The following ARHGEF28 variants were observed in gnomAD, a reference collection of about 807,000 sequenced individuals.
The protein encoded by ARHGEF28 is Rho guanine nucleotide exchange factor 28, also known as 190 kDa guanine nucleotide exchange factor.
In ARHGEF28, 152 loss-of-function variants were observed where a neutral mutation model predicts 206.6. That is an observed-to-expected ratio of 0.74 (90% CI 0.64 to 0.84). ARHGEF28 has a LOEUF of 0.84. Among genes scored for constraint, ARHGEF28 ranks in the 40% least tolerant of loss-of-function variants. The probability of loss-of-function intolerance (pLI) is 0.00; values close to 1 mark genes in which losing one functional copy is unlikely to be tolerated. For missense variants in ARHGEF28, 2,028 were observed against 2,073.2 expected (o/e 0.98, Z 0.42); for synonymous variants, 763 against 776.4 (o/e 0.98, Z 0.29).
At chr5:73,851,960 A>G (rs924615917) in intron 13 of ARHGEF28, among the ~76,000 whole-genome samples, 3 of 152,060 alleles carry the variant, frequency 2.0e-5, no homozygotes, top group African/African-American at 7.3e-5. Flanking sequence ...TGCCCTGTAG[A>G]TGGTGTGCTC....
intron 35 of ARHGEF28, among the ~76,000 whole-genome samples, chr5:73,920,914 A>G (rs996205534): frequency 6.6e-6 from 1 of 152,220 alleles, no homozygotes; most frequent in Non-Finnish European, 1.5e-5. Flanking sequence ...TTTAATTGTT[A>G]TATCAATAAC....
At position 73,857,700 on chromosome 5, in the gene ARHGEF28, C is replaced by T. The variant is rs754498278; in HGVS notation, c.1835C>T (p.Ser612Leu). The T allele has an allele frequency of 1.9e-6, 3 of 1,606,410 alleles. No homozygotes were observed. Among genetic ancestry groups the T allele is most frequent in the South Asian group, 2.2e-5 (2 of 89,760 alleles). The change falls in exon 15 of 36, where the codon TCA becomes TTA. Residue 612 changes from serine (S) to leucine (L), a missense_variant. Physicochemically the swap from Ser to Leu is moderately radical, Grantham distance 145 (BLOSUM62 -2). Transcript: ENST00000513042. Reference sequence around the variant, plus strand: ...GATAAATACATCATACCTGCCAAATCAGAGTCTGAAAAATATAAAGTGAGT... The same window carrying T: ...GATAAATACATCATACCTGCCAAATTAGAGTCTGAAAAATATAAAGTGAGT... ...EWDKYIIPAK[S>L]ESEKYKVSRT... is the part of the protein sequence containing the mutation.
intron 2 of ARHGEF28, among the ~76,000 whole-genome samples, chr5:73,690,156 A>G (rs1747725351): frequency 6.6e-6 from 1 of 152,032 alleles, no homozygotes; most frequent in Non-Finnish European, 1.5e-5. Flanking sequence ...TTTGTGTGTA[A>G]AAAGAGATAG....
chr5:73,845,267 T>C (rs1459211187), intron 11 of ARHGEF28, among the ~76,000 whole-genome samples: 2 of 152,136 alleles, frequency 1.3e-5, no homozygotes, highest in East Asian at 1.9e-4. Flanking sequence ...CCGCCCACCT[T>C]GGCCTCCCAA....
At chr5:73,929,966 A>G (rs2112017133) in intron 35 of ARHGEF28, among the ~76,000 whole-genome samples, 1 of 135,966 alleles carries the variant, frequency 7.4e-6, no homozygotes, top group African/African-American at 3.0e-5. Context: ...CAAATTGCTC[A>G]TTTTAAACTG....
intron 1 of ARHGEF28, among the ~76,000 whole-genome samples, chr5:73,654,041 C>G (rs987555682): frequency 6.6e-6 from 1 of 152,186 alleles, no homozygotes; most frequent in Non-Finnish European, 1.5e-5. Flanking sequence ...AAATATCACC[C>G]TAACTTCTCT....
intron 22 of ARHGEF28, among the ~76,000 whole-genome samples, chr5:73,880,273 C>T (rs573857100): frequency 3.9e-5 from 6 of 152,320 alleles, no homozygotes; most frequent in South Asian, 2.1e-4. Context: ...TTCCTAAGCC[C>T]GTCGGAAAAG....
chr5:73,804,104 AAAAG>A (rs1445262075), intron 9 of ARHGEF28, among the ~76,000 whole-genome samples: 203 of 151,470 alleles, frequency 1.3e-3, no homozygotes, highest in Non-Finnish European at 2.2e-3. Context: ...AAAAAAAAAA[AAAAG>A]AAAGAGTCAA....
At chr5:73,699,992 C>T (rs1342130944) in intron 2 of ARHGEF28, among the ~76,000 whole-genome samples, 1 of 152,100 alleles carries the variant, frequency 6.6e-6, no homozygotes, top group Non-Finnish European at 1.5e-5. Context: ...TCACTTCTAG[C>T]CAATGAAAAA....
chr5:73,641,014 A>G (rs375242602), intron 1 of ARHGEF28, among the ~76,000 whole-genome samples: 14 of 152,334 alleles, frequency 9.2e-5, no homozygotes, highest in African/African-American at 3.4e-4. Context: ...AGGGGAAGAA[A>G]GCCTCAAAGA....
chr5:73,882,919 T>TCTGGG (rs1393378617), intron 23 of ARHGEF28, among the ~76,000 whole-genome samples: 1 of 152,166 alleles, frequency 6.6e-6, no homozygotes, highest in East Asian at 1.9e-4. Context: ...CTACTCCACT[T>TCTGGG]CTGAATTAGC....
intron 9 of ARHGEF28, among the ~76,000 whole-genome samples, chr5:73,798,368 C>A (rs924839043): frequency 1.5e-4 from 23 of 151,956 alleles, no homozygotes; most frequent in Non-Finnish European, 4.4e-5. Context: ...GTTTTATTGA[C>A]CTTTCAGGGC....
chr5:73,862,780 T>A (rs1469242512), intron 16 of ARHGEF28, among the ~76,000 whole-genome samples: 2 of 152,110 alleles, frequency 1.3e-5, no homozygotes, highest in Non-Finnish European at 2.9e-5. Flanking sequence ...GTTGACACTT[T>A]TATTCAGCTC....
At chr5:73,915,629 G>A (rs952413230) in intron 35 of ARHGEF28, among the ~76,000 whole-genome samples, 2 of 151,832 alleles carry the variant, frequency 1.3e-5, no homozygotes, top group Non-Finnish European at 2.9e-5. Context: ...TACTCTGAAA[G>A]GCAAAAACAA....
At chr5:73,748,935 C>T (rs957011058) in intron 2 of ARHGEF28, among the ~76,000 whole-genome samples, 6 of 152,188 alleles carry the variant, frequency 3.9e-5, no homozygotes, top group South Asian at 2.1e-4. Flanking sequence ...GGGTGCAACA[C>T]GGCTGCTGTA....
At chr5:73,893,387 T>C in intron 28 of ARHGEF28, 99 bp downstream of exon 28, 1 of 948,530 alleles carries the variant, frequency 1.1e-6, no homozygotes, top group South Asian at 3.4e-5. Flanking sequence ...ACATGATTCA[T>C]CCTGTGCACC....
chr5:73,753,478 G>T (rs949653001), intron 4 of ARHGEF28, among the ~76,000 whole-genome samples: 2 of 152,180 alleles, frequency 1.3e-5, no homozygotes, highest in African/African-American at 4.8e-5. Flanking sequence ...GCTGCTCTGG[G>T]CTGTGGCTCC....
chr5:73,776,771 A>G, intron 6 of ARHGEF28, 75 bp downstream of exon 6: 2 of 1,403,666 alleles, frequency 1.4e-6, no homozygotes, highest in Non-Finnish European at 1.9e-6. Flanking sequence ...TATTATGAGA[A>G]CAGTGTTTTT....
Position 73,904,221 on chromosome 5 carries a change from G to T in ARHGEF28, c.4075-1G>T. ...ATTTTCTTGTTTTTTATGTATTTTAGGTGGAATGTAGAAATTTTCCAGGTT... is the reference window on the plus strand; with the variant it reads ...ATTTTCTTGTTTTTTATGTATTTTATGTGGAATGTAGAAATTTTCCAGGTT... On this transcript the variant is annotated splice_acceptor_variant, in intron 31 of 35. Transcript: ENST00000513042. LOFTEE classifies it high-confidence loss of function. 1 of 1,613,654 alleles carries T rather than the reference G, an allele frequency of 6.2e-7. No homozygotes were observed. Among genetic ancestry groups the T allele is most frequent in the Middle Eastern group, 1.7e-4 (1 of 6,058 alleles).
Sources: gnomAD v4.1 joint callset for allele counts (sites outside exome capture counted in the v4.1 genomes callset) on GRCh38, gnomAD v4.1.1 for gene constraint, MANE v1.5 for transcripts, NCBI Gene and HGNC (gene_info 2026-07-23, HGNC 2026-07-21) for gene names.